ZNF83: variants seen among roughly 807,000 people sequenced by gnomAD.
ZNF83 encodes zinc finger protein 816B.
For missense variants in ZNF83, 552 were observed against 629.9 expected, an observed-to-expected ratio of 0.88 and a Z score of 1.32; for synonymous variants, 209 against 213.0, an observed-to-expected ratio of 0.98 and a Z score of 0.17.
chr19:52,682,644 G>A (rs544910347), intron 1 of ZNF83, among the ~76,000 whole-genome samples: 1 of 151,954 alleles, frequency 6.6e-6, no homozygotes, highest in Admixed American at 6.6e-5. Context: ...CTCCAGCCTA[G>A]GCAACAAAGC....
intron 1 of ZNF83, among the ~76,000 whole-genome samples, chr19:52,687,134 T>C (rs1022094866): frequency 6.7e-6 from 1 of 149,344 alleles, no homozygotes; most frequent in South Asian, 2.1e-4. Context: ...TAAGCTGAGA[T>C]TGCAACATTG....
At chr19:52,655,354 T>A in intron 3 of ZNF83, 1 of 494,570 alleles carries the variant, frequency 2.0e-6, no homozygotes, top group South Asian at 2.6e-5. Context: ...AAAGTGTTCA[T>A]GAATGTTCTG....
upstream of ZNF83, among the ~76,000 whole-genome samples, chr19:52,639,845 A>C (rs931912715): frequency 3.9e-5 from 6 of 152,232 alleles, no homozygotes; most frequent in African/African-American, 1.4e-4. Flanking sequence ...CCACATTATT[A>C]ATAAGTAAGC....
chr19:52,647,921 C>G (rs186848835), intron 3 of ZNF83, among the ~76,000 whole-genome samples: 371 of 151,668 alleles, frequency 2.4e-3, no homozygotes, highest in Non-Finnish European at 4.1e-3. Context: ...TACCCACTCT[C>G]TGGCACCCTA....
At chr19:52,619,439 A>T (rs928716586) in intron 2 of ZNF83, among the ~76,000 whole-genome samples, 2 of 152,106 alleles carry the variant, frequency 1.3e-5, no homozygotes, top group African/African-American at 4.8e-5. Context: ...TAGCCTGGAC[A>T]ATATGGTGAA....
chr19:52,690,219 G>C (rs2062131219), intron 1 of ZNF83, among the ~76,000 whole-genome samples: 1 of 151,476 alleles, frequency 6.6e-6, no homozygotes. Flanking sequence ...TACGCGATAG[G>C]AAGTGTATAC....
Position 52,655,725 on chromosome 19 carries a change from G to A in ZNF83, c.-200-38C>T, listed in dbSNP as rs2061495784. 4 of 826,844 alleles carry A rather than the reference G, an allele frequency of 4.8e-6. No individual in the cohort carries two copies. The East Asian group carries it at 9.9e-5, about 20-fold the overall frequency. The allele number at this position is 826,844 out of a possible 1,614,324, so 51.2% of individuals were successfully genotyped here. A position where few individuals can be genotyped will look rare whatever the true frequency, so the allele number is the denominator to read the frequency against. On this transcript the variant is annotated intron_variant, in intron 2 of 5. Transcript: ENST00000594682. ...ACACATTTCAACAAAACATTAGGGAGGAGTCATTACCTTCACACAAAATGA... is the reference window on the plus strand; with the variant it reads ...ACACATTTCAACAAAACATTAGGGAAGAGTCATTACCTTCACACAAAATGA...
chr19:52,687,007 C>G (rs1474867329), intron 1 of ZNF83, among the ~76,000 whole-genome samples: 1 of 151,672 alleles, frequency 6.6e-6, no homozygotes, highest in East Asian at 2.0e-4. Flanking sequence ...CATGGAGAAA[C>G]CCTGTCTCTA....
chr19:52,663,930 C>T (rs971312983), intron 1 of ZNF83, among the ~76,000 whole-genome samples: 12 of 152,124 alleles, frequency 7.9e-5, no homozygotes, highest in Non-Finnish European at 1.3e-4. Context: ...CTCTGTTGCC[C>T]GGCTGGAATG....
At chr19:52,665,108 T>C (rs1221585513) in intron 1 of ZNF83, among the ~76,000 whole-genome samples, 4 of 152,212 alleles carry the variant, frequency 2.6e-5, no homozygotes, top group Non-Finnish European at 5.9e-5. Flanking sequence ...ACAGAACCAA[T>C]TAGAAATCCT....
chr19:52,652,751 C>T (rs1215816874), intron 3 of ZNF83: 7 of 782,950 alleles, frequency 8.9e-6, no homozygotes, highest in Non-Finnish European at 1.3e-5. Flanking sequence ...CCATGGATTG[C>T]TTGATGATGA....
intron 2 of ZNF83, among the ~76,000 whole-genome samples, chr19:52,615,426 CAT>C (rs2060270862): frequency 6.6e-6 from 1 of 152,112 alleles, no homozygotes; most frequent in South Asian, 2.1e-4. Context: ...CTCACTCTGA[CAT>C]ATGATAGACA....
At chr19:52,647,789 G>C (rs2061392221) in intron 3 of ZNF83, among the ~76,000 whole-genome samples, 1 of 150,070 alleles carries the variant, frequency 6.7e-6, no homozygotes, top group Admixed American at 6.7e-5. Flanking sequence ...ATAACCTCTT[G>C]TTCCTCCTTC....
intron 1 of ZNF83, among the ~76,000 whole-genome samples, chr19:52,677,718 A>C (rs1175103020): frequency 6.6e-6 from 1 of 151,766 alleles, no homozygotes; most frequent in East Asian, 1.9e-4. Flanking sequence ...TCCCTAGCTG[A>C]GTAGGTAGAG....
chr19:52,656,859 C>T (rs7259483), intron 2 of ZNF83, among the ~76,000 whole-genome samples: 81,993 of 144,144 alleles, frequency 0.57, 23,117 homozygotes, highest in East Asian at 0.72. Flanking sequence ...AGCGAGACTC[C>T]GTCTCAAAAA....
chr19:52,630,643 G>A (rs1394678944), intron 2 of ZNF83, among the ~76,000 whole-genome samples: 5 of 151,566 alleles, frequency 3.3e-5, no homozygotes, highest in African/African-American at 4.8e-5. Context: ...TCCTCCTCTC[G>A]TATCCCCCCA....
chr19:52,673,826 T>A (rs2061760706), intron 1 of ZNF83, among the ~76,000 whole-genome samples: 1 of 150,932 alleles, frequency 6.6e-6, no homozygotes, highest in Admixed American at 6.6e-5. Context: ...ACCAGCCTGG[T>A]CAACATGGTG....
intron 2 of ZNF83, among the ~76,000 whole-genome samples, chr19:52,658,435 G>A (rs181995451): frequency 3.3e-5 from 5 of 152,220 alleles, no homozygotes; most frequent in Non-Finnish European, 7.4e-5. Context: ...GTGTGGTGGT[G>A]CGCACCTGTA....
chr19:52,656,085 T>G (rs2061500358), intron 2 of ZNF83, among the ~76,000 whole-genome samples: 1 of 152,022 alleles, frequency 6.6e-6, no homozygotes, highest in South Asian at 2.1e-4. Flanking sequence ...TGGTTGTGCA[T>G]GCCTCTAGTC....
Sources: allele counts gnomAD v4.1 joint callset (sites outside exome capture counted in the v4.1 genomes callset), GRCh38; gene constraint gnomAD v4.1.1; transcripts MANE v1.5; gene names NCBI Gene and HGNC (gene_info 2026-07-23, HGNC 2026-07-21).